The following ANGPT2 variants were observed in gnomAD, a reference collection of about 807,000 sequenced individuals.
ANGPT2 encodes the protein angiopoietin 2, also known as angiopoietin-2.
ANGPT2 carries 28 observed loss-of-function variants against 62.9 expected under a neutral mutation model. The observed-to-expected ratio is 0.44, with a 90% CI of 0.33 to 0.61. ANGPT2 has a LOEUF of 0.61. ANGPT2 is among the 20% of genes least tolerant of loss of function. ANGPT2 has a pLI of 0.03. For missense variants in ANGPT2, 727 were observed against 594.9 expected (o/e 1.22, Z -2.31); for synonymous variants, 284 against 207.8 (o/e 1.37, Z -3.15).
chr8:6,505,344 ATATATTCTTTC>A (rs1813260539), intron 8 of ANGPT2, among the ~76,000 whole-genome samples: 2 of 70,260 alleles, frequency 2.8e-5, no homozygotes, highest in East Asian at 2.9e-4. Flanking sequence ...GAAAGAATAT[ATATATTCTTTC>A]TATATGTATA....
intron 1 of ANGPT2, among the ~76,000 whole-genome samples, chr8:6,556,731 A>T (rs1824677075): frequency 6.6e-6 from 1 of 151,944 alleles, no homozygotes; most frequent in African/African-American, 2.4e-5. Flanking sequence ...CTCCCACCTC[A>T]GCCTCCCAAG....
intron 1 of ANGPT2, among the ~76,000 whole-genome samples, chr8:6,551,436 G>A (rs555026381): frequency 1.3e-5 from 2 of 152,318 alleles, no homozygotes; most frequent in South Asian, 4.1e-4. Flanking sequence ...GAAAAAACAT[G>A]CATGGATTTA....
At chr8:6,529,864 T>A (rs188890895) in intron 2 of ANGPT2, among the ~76,000 whole-genome samples, 2 of 143,620 alleles carry the variant, frequency 1.4e-5, no homozygotes, top group East Asian at 2.0e-4. Flanking sequence ...TAACATGATA[T>A]CTAGTTTCAC....
At chr8:6,536,210 A>G (rs949963871) in intron 1 of ANGPT2, among the ~76,000 whole-genome samples, 2 of 152,168 alleles carry the variant, frequency 1.3e-5, no homozygotes, top group Non-Finnish European at 2.9e-5. Flanking sequence ...CAGAAACACT[A>G]GCGACAGGAA....
At chr8:6,543,751 C>G (rs1359405135) in intron 1 of ANGPT2, among the ~76,000 whole-genome samples, 1 of 152,134 alleles carries the variant, frequency 6.6e-6, no homozygotes, top group East Asian at 1.9e-4. Context: ...CCTTCGACCT[C>G]TGGTTCAGTT....
intron 2 of ANGPT2, 67 bp downstream of exon 2, chr8:6,532,265 T>G: frequency 6.3e-7 from 1 of 1,586,670 alleles, no homozygotes; most frequent in Non-Finnish European, 8.6e-7. Context: ...TTGAGGAAGC[T>G]CCTGACGCGA....
intron 7 of ANGPT2, among the ~76,000 whole-genome samples, chr8:6,512,023 C>A (rs1374288883): frequency 1.3e-5 from 2 of 151,124 alleles, no homozygotes; most frequent in Non-Finnish European, 2.9e-5. Context: ...AAGTTTTGAT[C>A]TCTTTGGAGT....
chr8:6,559,965 C>T (rs1050028399), intron 1 of ANGPT2, among the ~76,000 whole-genome samples: 1 of 152,164 alleles, frequency 6.6e-6, no homozygotes, highest in African/African-American at 2.4e-5. Flanking sequence ...CTTCCTTTGC[C>T]GGACAGATTA....
chr8:6,537,119 C>A (rs1253840577), intron 1 of ANGPT2, among the ~76,000 whole-genome samples: 1 of 152,136 alleles, frequency 6.6e-6, no homozygotes, highest in East Asian at 1.9e-4. Flanking sequence ...CTTGAACCTC[C>A]CGTGGGAGGG....
At chr8:6,559,806 G>A (rs1457526171) in intron 1 of ANGPT2, among the ~76,000 whole-genome samples, 1 of 152,206 alleles carries the variant, frequency 6.6e-6, no homozygotes, top group Admixed American at 6.5e-5. Context: ...CAAGAGAGAC[G>A]TAGCATGAGT....
At chr8:6,540,596 C>G (rs1002710454) in intron 1 of ANGPT2, among the ~76,000 whole-genome samples, 7 of 152,156 alleles carry the variant, frequency 4.6e-5, no homozygotes, top group African/African-American at 1.7e-4. Flanking sequence ...CGTTGTCAGG[C>G]CACGTCTGCA....
intron 4 of ANGPT2, 57 bp downstream of exon 4, chr8:6,521,121 A>G: frequency 7.1e-7 from 1 of 1,415,804 alleles, no homozygotes; most frequent in Non-Finnish European, 9.7e-7. Flanking sequence ...TAGTCTTTTG[A>G]GTGTTTTACT....
chr8:6,527,412 C>G (rs988408781), intron 3 of ANGPT2, 143 bp downstream of exon 3: 8 of 981,388 alleles, frequency 8.2e-6, no homozygotes, highest in Non-Finnish European at 1.2e-5. Context: ...CAAGCCCTCT[C>G]CCTTCTCCTC....
intron 1 of ANGPT2, among the ~76,000 whole-genome samples, chr8:6,541,185 A>C (rs1431211472): frequency 6.6e-6 from 1 of 152,176 alleles, no homozygotes; most frequent in African/African-American, 2.4e-5. Flanking sequence ...GCAGCACAAG[A>C]GGGTGAATTC....
chr8:6,549,507 C>A (rs1441123226), intron 1 of ANGPT2, among the ~76,000 whole-genome samples: 2 of 152,032 alleles, frequency 1.3e-5, no homozygotes, highest in Non-Finnish European at 2.9e-5. Flanking sequence ...CCTTCTGTAT[C>A]TTGAGCTGGG....
At chr8:6,550,910 G>C (rs1244600311) in intron 1 of ANGPT2, among the ~76,000 whole-genome samples, 1 of 152,144 alleles carries the variant, frequency 6.6e-6, no homozygotes, top group Admixed American at 6.5e-5. Context: ...CACAATTACA[G>C]CCCAAGGAGC....
chr8:6,509,313 C>A (rs1814457946), intron 7 of ANGPT2, among the ~76,000 whole-genome samples: 1 of 152,206 alleles, frequency 6.6e-6, no homozygotes, highest in African/African-American at 2.4e-5. Flanking sequence ...TCAGAAGCGA[C>A]TGTAGAGCCC....
rs928304977 is a variant in ANGPT2 at position 6,499,850 on chromosome 8, A to C, written c.*3251T>G. 1 of 1,612,744 alleles carries C rather than the reference A, an allele frequency of 6.2e-7. No individual in the cohort carries two copies. Among genetic ancestry groups the C allele is most frequent in the Admixed American group, 1.7e-5 (1 of 60,018 alleles). On this transcript the variant is annotated 3_prime_UTR_variant, in exon 9 of 9. Transcript: ENST00000629816. The stretch of plus-strand genomic sequence containing the variant: ...TAAATCTGCTTGTTGTGTCACTTGC[A>C]GGTGCTATGGTCTTTAGAATTGGGT...
At position 6,521,285 on chromosome 8, in the gene ANGPT2, T is replaced by C. The variant is rs768467311; in HGVS notation, c.692A>G (p.Glu231Gly). Residue 231 changes from glutamate (E) to glycine (G), a missense_variant, in exon 4 of 9, where the codon GAA (glutamate) becomes GGA (glycine). Physicochemically the swap from Glu to Gly is moderately conservative, Grantham distance 98 (BLOSUM62 -2). Coordinates refer to ENST00000629816, the MANE Select transcript of ANGPT2 (RefSeq NM_001118887.2). The part of the protein sequence containing the change: ...SKQNSIIEEL[E>G]KKIVTATVNN... Reference sequence around the variant, plus strand: ...CACCGTGGCAGTCACTATTTTTTTTTCTAGTTCTTCAATGATGGAATTTTG... The same window carrying C: ...CACCGTGGCAGTCACTATTTTTTTTCCTAGTTCTTCAATGATGGAATTTTG... 5 of 1,613,800 alleles carry C rather than the reference T, an allele frequency of 3.1e-6. No homozygotes were observed. Among genetic ancestry groups the C allele is most frequent in the Non-Finnish European group, 3.4e-6 (4 of 1,179,934 alleles).
Sources: allele counts gnomAD v4.1 joint callset (sites outside exome capture counted in the v4.1 genomes callset), GRCh38; gene constraint gnomAD v4.1.1; transcripts MANE v1.5; gene names NCBI Gene and HGNC (gene_info 2026-07-23, HGNC 2026-07-21).